ZNG1A: variants seen among roughly 807,000 people sequenced by gnomAD.
ZNG1A encodes the protein Zn regulated GTPase metalloprotein activator 1A, also known as zinc-regulated GTPase metalloprotein activator 1A.
At chr9:154,520 A>T in the ZNG1A span, 2 of 593,402 alleles carry the variant, frequency 3.4e-6, no homozygotes, top group Non-Finnish European at 5.9e-6. Context: ...TTCTGCAAGC[A>T]CTGGGGACTA....
At chr9:153,891 A>G in the ZNG1A span, 2 of 152,112 alleles carry the variant, frequency 1.3e-5, no homozygotes. Context: ...CATTGTACAC[A>G]TTAAAGATAA....
chr9:178,702 G>T, the ZNG1A span: 2 of 1,037,978 alleles, frequency 1.9e-6, no homozygotes, highest in African/African-American at 1.5e-5. Context: ...CGACCTCGAA[G>T]ACATTTGCTC....
chr9:144,447 A>G, the ZNG1A span, among the ~76,000 whole-genome samples: 1 of 151,824 alleles, frequency 6.6e-6, no homozygotes, highest in Non-Finnish European at 1.5e-5. Flanking sequence ...CAGTGGGGAA[A>G]GGATTCCCTA....
the ZNG1A span, chr9:156,330 A>G: frequency 8.9e-7 from 1 of 1,128,366 alleles, no homozygotes; most frequent in Non-Finnish European, 1.2e-6. Flanking sequence ...ATCATTATAA[A>G]TAGATAGCAA....
At chr9:150,021 C>T in the ZNG1A span, 71 of 150,294 alleles carry the variant, frequency 4.7e-4, no homozygotes, top group African/African-American at 1.6e-3. Context: ...ATTGTCAGTA[C>T]TTGTCAGCTA....
chr9:124,701 C>T, the ZNG1A span, among the ~76,000 whole-genome samples: 19 of 122,032 alleles, frequency 1.6e-4, no homozygotes, highest in African/African-American at 4.8e-4. Context: ...ATTCCTCATC[C>T]CCTTCCCACC....
chr9:170,887 TTTTC>T, the ZNG1A span, among the ~76,000 whole-genome samples: 3 of 144,844 alleles, frequency 2.1e-5, no homozygotes, highest in South Asian at 6.9e-4. Context: ...GATCTTTAGT[TTTTC>T]TTTCTTCCTC....
chr9:152,308 T>C, the ZNG1A span, among the ~76,000 whole-genome samples: 1 of 152,278 alleles, frequency 6.6e-6, no homozygotes, highest in Admixed American at 6.5e-5. Context: ...AAAACATATA[T>C]GCAAAAATTC....
chr9:140,751 G>T, the ZNG1A span, among the ~76,000 whole-genome samples: 1 of 151,916 alleles, frequency 6.6e-6, no homozygotes, highest in Non-Finnish European at 1.5e-5. Flanking sequence ...CCGAGCTATG[G>T]GAGGACATTC....
chr9:121,218 C>T, the ZNG1A span: 1 of 500,012 alleles, frequency 2.0e-6, no homozygotes, highest in African/African-American at 2.0e-5. Flanking sequence ...TATATGTAAA[C>T]TCCAAAGCCA....
the ZNG1A span, chr9:177,602 C>A: frequency 6.5e-7 from 1 of 1,529,130 alleles, no homozygotes; most frequent in Non-Finnish European, 8.8e-7. Context: ...AACAGCGTTT[C>A]AAAAAGGGAA....
the ZNG1A span, among the ~76,000 whole-genome samples, chr9:129,239 G>A: frequency 1.3e-5 from 2 of 152,072 alleles, no homozygotes; most frequent in Admixed American, 1.3e-4. Flanking sequence ...GCTCTAGAAT[G>A]CCCAAAAACA....
the ZNG1A span, chr9:149,097 A>G: frequency 6.7e-6 from 1 of 150,042 alleles, no homozygotes; most frequent in Non-Finnish European, 1.5e-5. Flanking sequence ...AACGCTTACA[A>G]AACTAATCAC....
At chr9:131,785 A>T in the ZNG1A span, among the ~76,000 whole-genome samples, 3 of 149,784 alleles carry the variant, frequency 2.0e-5, no homozygotes, top group South Asian at 6.3e-4. Flanking sequence ...ATCACACAGT[A>T]TCTTCCCGCA....
chr9:143,030 T>C, the ZNG1A span, among the ~76,000 whole-genome samples: 1 of 146,462 alleles, frequency 6.8e-6, no homozygotes, highest in Admixed American at 6.9e-5. Context: ...AATAACAGGA[T>C]CTGAAATTGT....
chr9:161,464 T>C, the ZNG1A span: 15 of 530,714 alleles, frequency 2.8e-5, no homozygotes, highest in African/African-American at 4.4e-4. Flanking sequence ...TGAGACTCTG[T>C]CTCAAAAAAA....
chr9:161,063 C>T, the ZNG1A span, among the ~76,000 whole-genome samples: 3 of 150,450 alleles, frequency 2.0e-5, no homozygotes, highest in African/African-American at 4.9e-5. Flanking sequence ...ACTCTATCAA[C>T]GAGGGAGAGA....
the ZNG1A span, among the ~76,000 whole-genome samples, chr9:140,571 G>A: frequency 6.6e-6 from 1 of 151,928 alleles, no homozygotes; most frequent in East Asian, 1.9e-4. Context: ...GGAAAAAACA[G>A]AGCAGAAAAA....
At chr9:177,736 G>C in the ZNG1A span, 46 of 1,533,814 alleles carry the variant, frequency 3.0e-5, no homozygotes, top group Non-Finnish European at 3.9e-5. Flanking sequence ...TGAGCAATAC[G>C]GGAAAGGCCC....
Sources: gnomAD v4.1 joint callset for allele counts (sites outside exome capture counted in the v4.1 genomes callset) on GRCh38, gnomAD v4.1.1 for gene constraint, MANE v1.5 for transcripts, NCBI Gene and HGNC (gene_info 2026-07-23, HGNC 2026-07-21) for gene names.